Variants in MYCBP observed in about 807,000 individuals in gnomAD.
The protein encoded by MYCBP is C-Myc-binding protein.
A neutral mutation model predicts 16.8 loss-of-function variants in MYCBP; 5 were observed. That is an observed-to-expected ratio of 0.30 (90% CI 0.16 to 0.63). The LOEUF is 0.63. Among genes scored for constraint, MYCBP ranks in the 20% least tolerant of loss-of-function variants. The pLI is 0.83. For synonymous variants in MYCBP, 35 were observed against 43.7 expected, an observed-to-expected ratio of 0.80 and a Z score of 0.79; for missense variants, 103 against 121.8, an observed-to-expected ratio of 0.85 and a Z score of 0.73.
chr1:38,873,024 T>C lies in MYCBP; in HGVS notation c.82A>G (p.Thr28Ala), dbSNP rs1642500449. ...TCTCCTAGCCCAGGCTCACCCTTGG[T>C]CAGCGTGTCCAGCACCCCCGACTTC... ...LEKSGVLDTL[T>A]KVLVALYEEP... Residue 28 changes from threonine to alanine, a missense_variant, in exon 2 of 5, where the codon ACC becomes GCC. Physicochemically the swap from Thr to Ala is moderately conservative, Grantham distance 58 (BLOSUM62 0). Coordinates refer to ENST00000397572, the MANE Select transcript of MYCBP (RefSeq NM_012333.5). 6.3e-7 allele frequency: 1 copy of C among 1,575,104 alleles called. No individual in the cohort carries two copies.
rs1439907154 is a variant in MYCBP at position 38,862,991 on chromosome 1, G to A, written c.*1679C>T. ...TCTTTCAAAACCCTCACGGGGCCAT[G>A]CTTTATTATAATGGTCTGCCACAGG... On this transcript the variant is annotated 3_prime_UTR_variant, in exon 5 of 5. Transcript: ENST00000397572. 2 of 152,170 alleles carry A rather than the reference G, an allele frequency of 1.3e-5. No homozygotes were observed. The highest frequency in any genetic ancestry group is 6.5e-5 in the Admixed American group (1 of 15,278). 9.4% of individuals were successfully genotyped at this position (152,170 alleles called of 1,614,324 possible). A position where few individuals can be genotyped will look rare whatever the true frequency, so the allele number is the denominator to read the frequency against.
At chr1:38,866,625 C>A (rs555843030) in intron 4 of MYCBP, among the ~76,000 whole-genome samples, 33 of 151,872 alleles carry the variant, frequency 2.2e-4, no homozygotes, top group South Asian at 2.1e-3. Flanking sequence ...CCATGTTGAC[C>A]AGGCTGGTCT....
Position 38,866,875 on chromosome 1 carries a change from T to G in MYCBP, c.267+5A>C. ...TTTGAATATGAATTCTTTTTAAAAA[T>G]TTACCTTTGCTTTCAGTTTTTTATT... is the stretch of plus-strand genomic sequence containing the variant. On this transcript the variant is annotated splice_donor_5th_base_variant and intron_variant, in intron 4 of 4. Transcript: ENST00000397572. 5 of 1,521,786 alleles carry G rather than the reference T, an allele frequency of 3.3e-6. No homozygotes were observed. The highest frequency in any genetic ancestry group is 4.4e-6 in the Non-Finnish European group (5 of 1,127,672). 94.3% of individuals were successfully genotyped at this position (1,521,786 alleles called of 1,614,324 possible).
intron 3 of MYCBP, among the ~76,000 whole-genome samples, chr1:38,867,303 G>C (rs1478970729): frequency 1.3e-5 from 2 of 152,048 alleles, no homozygotes; most frequent in Non-Finnish European, 2.9e-5. Flanking sequence ...AAAATTAGCT[G>C]GGTGTGATGG....
chr1:38,869,569 C>G (rs543303787), intron 2 of MYCBP, among the ~76,000 whole-genome samples: 1 of 152,302 alleles, frequency 6.6e-6, no homozygotes, highest in African/African-American at 2.4e-5. Context: ...TCCTTGTAAT[C>G]AGACAAGAAC....
chr1:38,873,282 C>G lies in MYCBP; in HGVS notation c.15+9G>C, dbSNP rs751887348. On this transcript the variant is annotated intron_variant, in intron 1 of 4. Coordinates refer to ENST00000397572, the MANE Select transcript of MYCBP (RefSeq NM_012333.5). ...CCGCATGCCCCCAGCCACGCCGCGC[C>G]CCCCTCACTTTGTAATGGGCCATAG... is the stretch of plus-strand genomic sequence containing the variant. 3.7e-6 allele frequency: 6 copies of G among 1,601,974 alleles called. No individual in the cohort carries two copies. The highest frequency in any genetic ancestry group is 5.1e-6 in the Non-Finnish European group (6 of 1,178,600).
intron 3 of MYCBP, 101 bp downstream of exon 3, chr1:38,867,461 A>ACC: frequency 9.2e-7 from 1 of 1,089,750 alleles, no homozygotes; most frequent in Non-Finnish European, 1.3e-6. Flanking sequence ...AAAAAAAAAA[A>ACC]AAAGTAACTT....
chr1:38,868,740 C>CT lies in MYCBP; in HGVS notation c.89-1131dup, dbSNP rs1186856561. 4.6e-5 allele frequency among the ~76,000 whole-genome samples: 7 copies of CT among 151,748 alleles called. 1 individual carries two copies. Among genetic ancestry groups the CT allele is most frequent in the Admixed American group, 3.3e-4 (5 of 15,252 alleles). On this transcript the variant is annotated intron_variant, in intron 2 of 4. Transcript: ENST00000397572. ...CTAACACAGTGAAACCCCGTCTCTA[C>CT]TAAAAAATACAAAAAATGAGCCAGG...
At chr1:38,873,366 A>G (rs1057296239), upstream of MYCBP, 10 of 1,574,620 alleles carry the variant, frequency 6.4e-6, no homozygotes, top group Non-Finnish European at 7.7e-6. Flanking sequence ...TGGGAGCAGC[A>G]CTGCTCATGC....
At chr1:38,870,287 C>G (rs1038077169) in intron 2 of MYCBP, among the ~76,000 whole-genome samples, 1 of 151,876 alleles carries the variant, frequency 6.6e-6, no homozygotes, top group Admixed American at 6.6e-5. Context: ...ATTAAGACTG[C>G]ACTGAGACAT....
rs776555525 is a variant in MYCBP, at chr1:38,864,755, T to C, written c.268-41A>G. On this transcript the variant is annotated intron_variant, in intron 4 of 4. Coordinates refer to ENST00000397572, the MANE Select transcript of MYCBP (RefSeq NM_012333.5). Reference sequence around the variant, plus strand: ...AGAGGAATTTAGGTGAATTTTATTCTAAATTGAGTAAAAAATAGTAAAACA... The same window carrying C: ...AGAGGAATTTAGGTGAATTTTATTCCAAATTGAGTAAAAAATAGTAAAACA... 15 of 1,579,206 alleles carry C rather than the reference T, an allele frequency of 9.5e-6. No individual in the cohort carries two copies. In the East Asian group the frequency reaches 3.1e-4, roughly 33 times the overall value.
At chr1:38,871,155 C>T (rs115434151) in intron 2 of MYCBP, among the ~76,000 whole-genome samples, 79 of 152,204 alleles carry the variant, frequency 5.2e-4, no homozygotes, top group African/African-American at 1.9e-3. Context: ...GCAACACAAT[C>T]GCTTGAACCC....
chr1:38,870,169 C>CAAA (rs1221257996), intron 2 of MYCBP, among the ~76,000 whole-genome samples: 112 of 76,986 alleles, frequency 1.5e-3, no homozygotes, highest in Non-Finnish European at 1.9e-3. Context: ...GACTCCGTCT[C>CAAA]AAAAAAAAAA....
intron 4 of MYCBP, among the ~76,000 whole-genome samples, chr1:38,866,209 C>G (rs9439076): frequency 6.6e-6 from 1 of 151,036 alleles, no homozygotes; most frequent in African/African-American, 2.4e-5. Flanking sequence ...CCACCAAGCC[C>G]GGCTAATTTT....
intron 3 of MYCBP, 84 bp downstream of exon 3, chr1:38,867,478 T>C (rs1344952988): frequency 3.1e-6 from 3 of 981,110 alleles, no homozygotes; most frequent in Non-Finnish European, 4.6e-6. Context: ...ACTTTCTCAA[T>C]ATTCAGAAGT....
intron 2 of MYCBP, among the ~76,000 whole-genome samples, chr1:38,871,381 T>TC (rs1557596873): frequency 6.7e-6 from 1 of 149,928 alleles, no homozygotes; most frequent in Non-Finnish European, 1.5e-5. Context: ...AGAAAGGCCT[T>TC]CCCCCCATCA....
chr1:38,871,014 CG>C (rs1452136401), intron 2 of MYCBP, among the ~76,000 whole-genome samples: 9 of 151,894 alleles, frequency 5.9e-5, no homozygotes, highest in Admixed American at 5.9e-4. Context: ...CTGAGGTGAG[CG>C]GATCACCTGA....
At chr1:38,867,300 G>C (rs768574925) in intron 3 of MYCBP, among the ~76,000 whole-genome samples, 1 of 152,064 alleles carries the variant, frequency 6.6e-6, no homozygotes, top group Non-Finnish European at 1.5e-5. Context: ...AAAAAAATTA[G>C]CTGGGTGTGA....
chr1:38,871,621 C>G (rs908183478), intron 2 of MYCBP, among the ~76,000 whole-genome samples: 1 of 111,774 alleles, frequency 8.9e-6, no homozygotes, highest in Non-Finnish European at 2.3e-5. Context: ...CCATGTTGCC[C>G]AGGCTGGTCT....
Sources: allele counts gnomAD v4.1 joint callset (sites outside exome capture counted in the v4.1 genomes callset), GRCh38; gene constraint gnomAD v4.1.1; transcripts MANE v1.5; gene names NCBI Gene and HGNC (gene_info 2026-07-23, HGNC 2026-07-21).